Variants in UBE4B observed in about 807,000 individuals in gnomAD.
The protein encoded by UBE4B is ubiquitin conjugation factor E4 B.
UBE4B carries 27 observed loss-of-function variants against 148.1 expected under a neutral mutation model. The ratio of observed to expected loss-of-function variants is 0.18; its 90% CI spans 0.13 to 0.25. The LOEUF (loss-of-function observed/expected upper bound fraction) is 0.25, where lower values mean the gene tolerates loss of function less well. Ranked by LOEUF, UBE4B falls within the 10% of genes least tolerant of loss-of-function variation. The pLI, the probability that UBE4B is intolerant of heterozygous loss-of-function variation, is 1.00. For synonymous variants in UBE4B, 596 were observed against 619.3 expected, an observed-to-expected ratio of 0.96 and a Z score of 0.56; for missense variants, 1,170 against 1,662.4, an observed-to-expected ratio of 0.70 and a Z score of 5.15.
chr1:10,132,480 C>G lies in UBE4B; in HGVS notation c.2023C>G (p.Gln675Glu). ...TGCCAATATGAAGAAAGCACAGATG[C>G]AGGTAGGATTCCTACAGACTGCTTT... Reference protein sequence around the residue: ...VNANMKKAQMQTDDRLVSTDG... With the variant: ...VNANMKKAQMETDDRLVSTDG... Residue 675 changes from glutamine to glutamate, a missense_variant and splice_region_variant, in exon 15 of 28, where the codon CAG (glutamine) becomes GAG (glutamate). Physicochemically the swap from Gln to Glu is conservative, Grantham distance 29 (BLOSUM62 2). Transcript: ENST00000343090. 4 of 1,613,374 alleles carry G rather than the reference C, an allele frequency of 2.5e-6. No individual in the cohort carries two copies. The highest frequency in any genetic ancestry group is 3.4e-6 in the Non-Finnish European group (4 of 1,179,474).
At chr1:10,126,610 A>T (rs1465634932) in intron 10 of UBE4B, among the ~76,000 whole-genome samples, 184 bp from the exon 11 acceptor site, 2 of 152,186 alleles carry the variant, frequency 1.3e-5, no homozygotes, top group Admixed American at 6.5e-5. Flanking sequence ...GTATTACTTT[A>T]TGGTTAGACT....
At chr1:10,043,567 C>T (rs1043884219) in intron 1 of UBE4B, among the ~76,000 whole-genome samples, 5 of 151,748 alleles carry the variant, frequency 3.3e-5, no homozygotes, top group Non-Finnish European at 7.4e-5. Flanking sequence ...GCTGGGACTA[C>T]AGGCGCCCAC....
chr1:10,127,492 C>T (rs1476507303), intron 11 of UBE4B, among the ~76,000 whole-genome samples: 2 of 152,290 alleles, frequency 1.3e-5, no homozygotes, highest in African/African-American at 4.8e-5. Flanking sequence ...AAATTAGAAG[C>T]TCCTTTCTGT....
chr1:10,095,537 A>G lies in UBE4B; in HGVS notation c.288A>G (p.Gln96=). 1.9e-6 allele frequency: 3 copies of G among 1,614,116 alleles called. No individual in the cohort carries two copies. The highest frequency in any genetic ancestry group is 2.5e-6 in the Non-Finnish European group (3 of 1,180,040). Residue 96 remains glutamine (Q), a synonymous_variant, in exon 3 of 28, where the codon CAA becomes CAG. Transcript: ENST00000343090. ...CGCCCTCTAATAGCCTTGAAACGCA[A>G]TCTCAGTCTCTCTCACGTTCCCAGA... is the stretch of plus-strand genomic sequence containing the variant. ...SSSPSNSLET[Q]SQSLSRSQSM...
At position 10,033,632 on chromosome 1, in the gene UBE4B, G is replaced by A. The variant is rs1280970548; in HGVS notation, c.-39G>A. 2.0e-6 allele frequency: 3 copies of A among 1,525,616 alleles called. No homozygotes were observed. The highest frequency in any genetic ancestry group is 2.6e-6 in the Non-Finnish European group (3 of 1,135,472). The allele number at this position is 1,525,616 out of a possible 1,614,324, so 94.5% of individuals were successfully genotyped here. ...CCCGCCGTGGTCTCGAGAACAGAAG[G>A]ATCTCTCCTTAACGCCTTTCACCAT... On this transcript the variant is annotated 5_prime_UTR_variant, in exon 1 of 28. Coordinates refer to ENST00000343090, the MANE Select transcript of UBE4B (RefSeq NM_001105562.3).
At chr1:10,055,580 A>G (rs1356354055) in intron 1 of UBE4B, among the ~76,000 whole-genome samples, 1 of 152,146 alleles carries the variant, frequency 6.6e-6, no homozygotes, top group African/African-American at 2.4e-5. Flanking sequence ...CCCAGCCAAC[A>G]TGGGGCAAAA....
chr1:10,069,573 C>T (rs971600181), intron 1 of UBE4B, among the ~76,000 whole-genome samples: 18 of 152,120 alleles, frequency 1.2e-4, no homozygotes, highest in African/African-American at 3.6e-4. Context: ...CTCACTTCAT[C>T]GCCCAGGCTG....
At chr1:10,170,852 A>C (rs955697549) in intron 24 of UBE4B, 3 of 238,874 alleles carry the variant, frequency 1.3e-5, no homozygotes, top group Admixed American at 5.6e-5. Context: ...TACTTTTTTT[A>C]ATTAAAAGCA....
intron 3 of UBE4B, among the ~76,000 whole-genome samples, chr1:10,095,998 T>C (rs1398076740): frequency 6.6e-6 from 1 of 152,150 alleles, no homozygotes; most frequent in African/African-American, 2.4e-5. Context: ...CTCAAACTCC[T>C]GGCCTCAAGA....
At chr1:10,083,555 A>G (rs1260703638) in intron 2 of UBE4B, among the ~76,000 whole-genome samples, 2 of 152,184 alleles carry the variant, frequency 1.3e-5, no homozygotes, top group African/African-American at 4.8e-5. Context: ...TTGCTATATT[A>G]AAATCCTTTT....
intron 2 of UBE4B, among the ~76,000 whole-genome samples, chr1:10,081,693 A>G (rs1644684434): frequency 6.6e-6 from 1 of 152,008 alleles, no homozygotes; most frequent in African/African-American, 2.4e-5. Context: ...GATTCAAGCA[A>G]TTCTCCTGCC....
At chr1:10,076,506 A>G (rs969035745) in intron 2 of UBE4B, among the ~76,000 whole-genome samples, 1 of 151,620 alleles carries the variant, frequency 6.6e-6, no homozygotes, top group Non-Finnish European at 1.5e-5. Flanking sequence ...GGCCTCCCAA[A>G]ATGCTGAGAT....
At position 10,105,589 on chromosome 1, in the gene UBE4B, T is replaced by G; in HGVS notation, c.654T>G (p.Asp218Glu). The G allele has an allele frequency of 6.2e-7, 1 of 1,614,208 alleles. No individual in the cohort carries two copies. The highest frequency in any genetic ancestry group is 8.5e-7 in the Non-Finnish European group (1 of 1,180,036). ...EVLMMSTQTR[D>E]ENPFASLTAT... ...TAATGATGTCCACTCAGACCAGAGA[T>G]GAAAACCCATTTGCCAGTCTGACAG... Residue 218 changes from aspartate to glutamate, a missense_variant, in exon 6 of 28, where the codon GAT (aspartate) becomes GAG (glutamate). This residue lies in a region of UBE4B where 91 missense variants were observed against 120.5 expected (regional missense o/e 0.76). Transcript: ENST00000343090.
chr1:10,156,823 G>C (rs1646080415), intron 21 of UBE4B, among the ~76,000 whole-genome samples: 1 of 152,050 alleles, frequency 6.6e-6, no homozygotes. Context: ...TTTTTAAATA[G>C]CTGTTTCCTT....
rs562858250 is a variant in UBE4B, at chr1:10,180,246, C to T, written c.*290C>T. On this transcript the variant is annotated 3_prime_UTR_variant, in exon 28 of 28. Transcript: ENST00000343090. ...CTTCGTATGTCACAGTTTGGGGCAA[C>T]GGAAGTCTTTTAGTGATGGCTAATG... 123 of 434,736 alleles carry T rather than the reference C, an allele frequency of 2.8e-4. No individual in the cohort carries two copies. The highest frequency in any genetic ancestry group is 2.2e-3 in the African/African-American group (108 of 50,018). The allele number at this position is 434,736 out of a possible 1,614,324, so 26.9% of individuals were successfully genotyped here.
At chr1:10,071,405 G>C (rs1401176707) in intron 1 of UBE4B, among the ~76,000 whole-genome samples, 1 of 152,106 alleles carries the variant, frequency 6.6e-6, no homozygotes, top group East Asian at 1.9e-4. Flanking sequence ...AACATAGTGA[G>C]ACCTCGTCTC....
chr1:10,134,665 G>T (rs1236340306), intron 15 of UBE4B, among the ~76,000 whole-genome samples: 2 of 152,086 alleles, frequency 1.3e-5, no homozygotes, highest in East Asian at 3.9e-4. Context: ...TTGACTTTAG[G>T]ATACAGTTAT....
rs764089127 is a variant in UBE4B, at chr1:10,161,999, C to CTTTTT, written c.3198+725_3198+729dup. Among the ~76,000 whole-genome samples the CTTTTT allele has an allele frequency of 1.3e-3, 177 of 137,250 alleles. 2 individuals carry two copies. The highest frequency in any genetic ancestry group is 4.3e-3 in the African/African-American group (162 of 37,490). The allele number at this position is 137,250 out of a possible 152,430, so 90.0% of individuals were successfully genotyped here. On this transcript the variant is annotated intron_variant, in intron 23 of 27. Coordinates refer to ENST00000343090, the MANE Select transcript of UBE4B (RefSeq NM_001105562.3). This position sits in a 1 kb window ranked among gnomAD's most constrained non-coding sequence, Gnocchi z 4.1. ...GGGGACTGCTTTTTCTTCACTTTTTCTTTTTTTTTTTTTTTTGAGACGGAG... is the reference window on the plus strand; with the variant it reads ...GGGGACTGCTTTTTCTTCACTTTTTCTTTTTTTTTTTTTTTTTTTTTGAGACGGAG...
intron 7 of UBE4B, among the ~76,000 whole-genome samples, chr1:10,108,449 A>G (rs1462465849): frequency 6.6e-6 from 1 of 152,148 alleles, no homozygotes; most frequent in Non-Finnish European, 1.5e-5. Context: ...GAAAAGCACT[A>G]CTTGGGTTGT....
Sources: allele counts gnomAD v4.1 joint callset (sites outside exome capture counted in the v4.1 genomes callset), GRCh38; gene constraint gnomAD v4.1.1; regional missense constraint gnomAD v4.1.1; non-coding constraint Gnocchi (gnomAD v3.1); transcripts MANE v1.5; gene names NCBI Gene and HGNC (gene_info 2026-07-23, HGNC 2026-07-21).